SDK1: variants seen among roughly 807,000 people sequenced by gnomAD.
The protein encoded by SDK1 is protein sidekick-1.
Under a neutral mutation model 245.5 loss-of-function variants are expected in SDK1, and 157 were observed. That is an observed-to-expected ratio of 0.64 (90% CI 0.56 to 0.73). The LOEUF (loss-of-function observed/expected upper bound fraction) is 0.73. Ranked by LOEUF, SDK1 falls within the 30% of genes least tolerant of loss-of-function variation. The probability of loss-of-function intolerance (pLI) is 0.00; values close to 1 mark genes in which losing one functional copy is unlikely to be tolerated. For missense variants in SDK1, 3,583 were observed against 3,002.3 expected, an observed-to-expected ratio of 1.19 and a Z score of -4.52; for synonymous variants, 1,647 against 1,278.5, an observed-to-expected ratio of 1.29 and a Z score of -6.15.
At chr7:4,218,413 G>T (rs1445310036) in intron 38 of SDK1, among the ~76,000 whole-genome samples, 1 of 151,892 alleles carries the variant, frequency 6.6e-6, no homozygotes, top group South Asian at 2.1e-4. Flanking sequence ...AGCCAAAATT[G>T]CTCTGAAATA....
intron 1 of SDK1, among the ~76,000 whole-genome samples, chr7:3,399,377 C>T (rs1583800483): frequency 6.6e-6 from 1 of 152,184 alleles, no homozygotes; most frequent in African/African-American, 2.4e-5. Context: ...AAAGTATGAG[C>T]ATGATGGTTT....
chr7:3,769,187 T>C (rs1780337730), intron 4 of SDK1, among the ~76,000 whole-genome samples: 1 of 152,240 alleles, frequency 6.6e-6, no homozygotes, highest in South Asian at 2.1e-4. Context: ...ATTGTCTTTG[T>C]CCATTTCCTG....
intron 19 of SDK1, among the ~76,000 whole-genome samples, chr7:4,061,078 T>C (rs1289750709): frequency 6.6e-6 from 1 of 152,260 alleles, no homozygotes; most frequent in African/African-American, 2.4e-5. Context: ...GGTAGCGTGA[T>C]GCTTCCAGCT....
chr7:4,180,700 G>A (rs1288283068), intron 35 of SDK1, among the ~76,000 whole-genome samples: 5 of 152,230 alleles, frequency 3.3e-5, no homozygotes, highest in African/African-American at 9.6e-5. Flanking sequence ...TGCTTCTGGG[G>A]CGGCCTCAGG....
intron 4 of SDK1, among the ~76,000 whole-genome samples, chr7:3,785,555 C>G (rs368881119): frequency 1.4e-4 from 21 of 152,068 alleles, no homozygotes; most frequent in African/African-American, 5.1e-4. Context: ...AAACAGAAGA[C>G]AAAATATAAG....
At chr7:3,375,894 C>T (rs1455145988) in intron 1 of SDK1, among the ~76,000 whole-genome samples, 2 of 152,170 alleles carry the variant, frequency 1.3e-5, no homozygotes, top group Non-Finnish European at 2.9e-5. Context: ...ATGCTGATTG[C>T]TGTTTTAAGC....
intron 5 of SDK1, among the ~76,000 whole-genome samples, chr7:3,944,424 T>C (rs185370677): frequency 1.3e-4 from 20 of 152,372 alleles, no homozygotes; most frequent in African/African-American, 4.6e-4. Flanking sequence ...GTATATGGCA[T>C]TTTAAAAATG....
intron 5 of SDK1, among the ~76,000 whole-genome samples, chr7:3,880,182 C>A (rs1220007096): frequency 5.3e-5 from 8 of 152,190 alleles, no homozygotes; most frequent in Non-Finnish European, 1.5e-5. Context: ...GAGATGGATG[C>A]GTTCTGCAAC....
intron 1 of SDK1, among the ~76,000 whole-genome samples, chr7:3,398,161 C>T (rs989553053): frequency 1.6e-4 from 25 of 152,012 alleles, no homozygotes; most frequent in African/African-American, 6.0e-4. Context: ...CTGTAGGTTT[C>T]ACAGGCTTTA....
At chr7:4,044,946 A>T (rs1490076021) in intron 17 of SDK1, among the ~76,000 whole-genome samples, 1 of 152,090 alleles carries the variant, frequency 6.6e-6, no homozygotes, top group Non-Finnish European at 1.5e-5. Context: ...CCCCCACCCC[A>T]GCACTTGGCA....
intron 1 of SDK1, among the ~76,000 whole-genome samples, chr7:3,595,691 A>AG (rs1781030721): frequency 6.6e-6 from 1 of 151,970 alleles, no homozygotes; most frequent in Admixed American, 6.6e-5. Context: ...TGAACTAGTC[A>AG]AAGTTACCAG....
At chr7:3,398,768 G>GT (rs35147042) in intron 1 of SDK1, among the ~76,000 whole-genome samples, 4,459 of 136,924 alleles carry the variant, frequency 0.033, 190 homozygotes, top group African/African-American at 0.095. Flanking sequence ...GCCCCCAGTA[G>GT]TTTTTTTTTT....
intron 4 of SDK1, among the ~76,000 whole-genome samples, chr7:3,676,677 C>G (rs998839009): frequency 5.9e-5 from 9 of 152,176 alleles, no homozygotes; most frequent in African/African-American, 1.9e-4. Context: ...TTTAAACCAT[C>G]TTGAGTAAAT....
chr7:4,210,289 G>A (rs961831083), intron 38 of SDK1, 127 bp downstream of exon 38: 6 of 1,057,018 alleles, frequency 5.7e-6, no homozygotes, highest in Middle Eastern at 3.2e-4. Flanking sequence ...GAAGTGGGGG[G>A]TTTTGGAATC....
intron 5 of SDK1, among the ~76,000 whole-genome samples, chr7:3,915,614 A>C (rs1478472816): frequency 1.3e-5 from 2 of 152,162 alleles, no homozygotes; most frequent in Non-Finnish European, 2.9e-5. Context: ...CGAGTCCATT[A>C]AGCCTCTTTT....
At chr7:4,218,392 C>CA (rs571075302) in intron 38 of SDK1, among the ~76,000 whole-genome samples, 1,589 of 132,810 alleles carry the variant, frequency 0.012, 21 homozygotes, top group African/African-American at 0.04. Context: ...GACTCCGTCT[C>CA]AAAAAAAAAA....
chr7:3,432,935 C>A (rs192719947), intron 1 of SDK1, among the ~76,000 whole-genome samples: 1 of 152,318 alleles, frequency 6.6e-6, no homozygotes, highest in Admixed American at 6.5e-5. Flanking sequence ...CATGTTATTA[C>A]TAACTTGTAA....
chr7:3,932,139 A>G (rs1240524768), intron 5 of SDK1, among the ~76,000 whole-genome samples: 1 of 152,160 alleles, frequency 6.6e-6, no homozygotes, highest in Non-Finnish European at 1.5e-5. Flanking sequence ...TTAGGACTTC[A>G]TTTTTTATTC....
At chr7:4,161,910 C>T (rs531157741) in intron 32 of SDK1, 54 bp downstream of exon 32, 14 of 1,489,564 alleles carry the variant, frequency 9.4e-6, no homozygotes, top group African/African-American at 8.3e-5. Flanking sequence ...CATTTCCCTG[C>T]GCATTCAGCC....
Sources: gnomAD v4.1 joint callset for allele counts (sites outside exome capture counted in the v4.1 genomes callset) on GRCh38, gnomAD v4.1.1 for gene constraint, MANE v1.5 for transcripts, NCBI Gene and HGNC (gene_info 2026-07-23, HGNC 2026-07-21) for gene names.